Variants in FAM227A observed in about 807,000 individuals in gnomAD.
FAM227A encodes protein FAM227A.
In FAM227A, 80 loss-of-function variants were observed where a neutral mutation model predicts 74.7. The ratio of observed to expected loss-of-function variants is 1.07; its 90% CI spans 0.89 to 1.29. The LOEUF is 1.29. FAM227A is among the 50% of genes most tolerant of loss of function. The probability of loss-of-function intolerance (pLI) is 0.00; values close to 1 mark genes in which losing one functional copy is unlikely to be tolerated. For missense variants in FAM227A, 654 were observed against 683.4 expected, an observed-to-expected ratio of 0.96 and a Z score of 0.48; for synonymous variants, 237 against 241.8, an observed-to-expected ratio of 0.98 and a Z score of 0.19.
intron 11 of FAM227A, among the ~76,000 whole-genome samples, chr22:38,617,688 T>C (rs893180166): frequency 1.3e-5 from 2 of 152,154 alleles, no homozygotes; most frequent in African/African-American, 4.8e-5. Flanking sequence ...GAAGTGGGAA[T>C]GTTGTCCTAG....
chr22:38,626,891 A>AAAAAATATAT (rs1555966996), intron 8 of FAM227A, among the ~76,000 whole-genome samples: 4 of 57,684 alleles, frequency 6.9e-5, no homozygotes, highest in African/African-American at 2.6e-4. Context: ...AAAAAAAAAA[A>AAAAAATATAT]ATATATATAT....
chr22:38,582,332 A>C lies in FAM227A; in HGVS notation c.*3793T>G. 6.5e-7 allele frequency: 1 copy of C among 1,549,016 alleles called. No individual in the cohort carries two copies. Among genetic ancestry groups the C allele is most frequent in the Non-Finnish European group, 8.7e-7 (1 of 1,145,864 alleles). ...TCAAAATCAGGACTATAGGATTTTA[A>C]CTTCATCTCTTCTAGTTTAACATCT... On this transcript the variant is annotated 3_prime_UTR_variant, in exon 17 of 17. Coordinates refer to ENST00000535113, the MANE Select transcript of FAM227A (RefSeq NM_001013647.2).
Position 38,578,983 on chromosome 22 carries a change from CACA to C in FAM227A, c.*7139_*7141del, listed in dbSNP as rs1458532821. The C allele has an allele frequency of 3.9e-5, 6 of 152,202 alleles. No individual in the cohort carries two copies. The highest frequency in any genetic ancestry group is 8.8e-5 in the Non-Finnish European group (6 of 68,060). 9.4% of individuals were successfully genotyped at this position (152,202 alleles called of 1,614,324 possible). ...CACTCCTCACACAGACACCATGAGG[CACA>C]ACAATTATCACCCCTATTTACACGA... On this transcript the variant is annotated 3_prime_UTR_variant, in exon 17 of 17. Transcript: ENST00000535113.
In FAM227A at chr22:38,591,483, G is replaced by A; in HGVS notation, c.1590C>T (p.Phe530=). The A allele has an allele frequency of 1.3e-6, 2 of 1,550,858 alleles. No individual in the cohort carries two copies. Residue 530 remains phenylalanine (F), a synonymous_variant, in exon 16 of 17, where the codon TTC becomes TTT. Transcript: ENST00000535113. ...AADTKKANHM[F]IPPSAVNEES... is the part of the protein sequence containing the mutation. Reference sequence around the variant, plus strand: ...CCTCATTGACGGCTGAAGGTGGGATGAACATGTGGTTTGCCTTTTTTGTAT... The same window carrying A: ...CCTCATTGACGGCTGAAGGTGGGATAAACATGTGGTTTGCCTTTTTTGTAT...
At chr22:38,590,791 G>T (rs1257119689) in intron 16 of FAM227A, among the ~76,000 whole-genome samples, 3 of 151,988 alleles carry the variant, frequency 2.0e-5, no homozygotes, top group African/African-American at 7.2e-5. Context: ...AAAAGTAAGT[G>T]AACTTTTTTT....
intron 6 of FAM227A, among the ~76,000 whole-genome samples, chr22:38,631,151 G>A (rs555552806): frequency 1.3e-5 from 2 of 152,326 alleles, no homozygotes; most frequent in African/African-American, 4.8e-5. Context: ...CTGGGCGACA[G>A]AGCGAGTGTC....
rs1264049310 is a variant in FAM227A at position 38,650,244 on chromosome 22, C to T, written c.-76G>A. 7 of 1,445,042 alleles carry T rather than the reference C, an allele frequency of 4.8e-6. No individual in the cohort carries two copies. Among genetic ancestry groups the T allele is most frequent in the African/African-American group, 2.8e-5 (2 of 70,634 alleles). The allele number at this position is 1,445,042 out of a possible 1,614,324, so 89.5% of individuals were successfully genotyped here. On this transcript the variant is annotated 5_prime_UTR_variant, in exon 2 of 17. Transcript: ENST00000535113. ...CTCTCATTTCCCACTCCAATCTTGT[C>T]GTTTGTTTAATCAGCCTCCTGGAAA...
Position 38,583,166 on chromosome 22 carries a change from CTATACT to C in FAM227A, c.*2953_*2958del. 19 of 412,658 alleles carry C rather than the reference CTATACT, an allele frequency of 4.6e-5. No homozygotes were observed. The East Asian group carries it at 8.1e-4, about 18-fold the overall frequency. The allele number at this position is 412,658 out of a possible 1,614,324, so 25.6% of individuals were successfully genotyped here. A position where few individuals can be genotyped will look rare whatever the true frequency, so the allele number is the denominator to read the frequency against. On this transcript the variant is annotated 3_prime_UTR_variant, in exon 17 of 17. Transcript: ENST00000535113. ...GCTCACACGTTCTGGTTTCAGAAGACTATACTTTTTTTTTTTTTTTTTTGAGATGGA... is the reference window on the plus strand; with the variant it reads ...GCTCACACGTTCTGGTTTCAGAAGACTTTTTTTTTTTTTTTTTGAGATGGA...
At chr22:38,629,307 C>T (rs552397406) in intron 6 of FAM227A, among the ~76,000 whole-genome samples, 2 of 152,346 alleles carry the variant, frequency 1.3e-5, no homozygotes, top group East Asian at 1.9e-4. Flanking sequence ...TAAGATTCTG[C>T]TGAGTTAGCA....
At chr22:38,620,529 C>T (rs1050079254) in intron 10 of FAM227A, among the ~76,000 whole-genome samples, 1 of 152,078 alleles carries the variant, frequency 6.6e-6, no homozygotes, top group Non-Finnish European at 1.5e-5. Context: ...ACAGGGCCGG[C>T]GCGGTGGCTC....
At chr22:38,604,026 G>C (rs545567155) in intron 13 of FAM227A, among the ~76,000 whole-genome samples, 3 of 151,992 alleles carry the variant, frequency 2.0e-5, no homozygotes, top group Non-Finnish European at 2.9e-5. Context: ...AAAACACCAC[G>C]ATTAAAGTCA....
chr22:38,607,414 G>A lies in FAM227A; in HGVS notation c.1101C>T (p.Ser367=), dbSNP rs368600898. The change falls in exon 12 of 17, where the codon AGC becomes AGT. Residue 367 remains serine (S), a synonymous_variant. Transcript: ENST00000535113. The part of the protein sequence containing the change: ...TSSAKQNSEK[S]LRMQNTAKEH... The stretch of plus-strand genomic sequence containing the variant: ...CTTTTGCAGTATTCTGCATTCGTAA[G>A]CTTTTTTCTGAGTTCTGCTTGGCCG... 29 of 1,551,304 alleles carry A rather than the reference G, an allele frequency of 1.9e-5. No individual in the cohort carries two copies. In the African/African-American group the frequency reaches 3.3e-4, roughly 18 times the overall value.
At chr22:38,614,354 G>A (rs1416958170) in intron 11 of FAM227A, among the ~76,000 whole-genome samples, 1 of 152,070 alleles carries the variant, frequency 6.6e-6, no homozygotes, top group African/African-American at 2.4e-5. Context: ...TCTAATAGGT[G>A]GGTGTCCTAA....
chr22:38,607,176 C>CAA (rs528873313), intron 12 of FAM227A, among the ~76,000 whole-genome samples: 167 of 53,988 alleles, frequency 3.1e-3, no homozygotes, highest in African/African-American at 3.4e-3. Context: ...GACTTCATCT[C>CAA]AAAAAAAAAA....
chr22:38,628,090 T>G (rs1378022490), intron 8 of FAM227A, 148 bp downstream of exon 8: 3 of 609,964 alleles, frequency 4.9e-6, no homozygotes, highest in Non-Finnish European at 8.8e-6. Context: ...ACTGTATTTT[T>G]GTAACTTCTG....
At chr22:38,607,621 G>A in intron 11 of FAM227A, 145 bp from the exon 12 acceptor site, 1 of 658,696 alleles carries the variant, frequency 1.5e-6, no homozygotes, top group Non-Finnish European at 2.7e-6. Flanking sequence ...CATGCAGAAC[G>A]AGACCTTTCA....
At chr22:38,635,029 A>G (rs982624476) in intron 6 of FAM227A, among the ~76,000 whole-genome samples, 12 of 151,924 alleles carry the variant, frequency 7.9e-5, no homozygotes, top group Admixed American at 1.3e-4. Context: ...GGCGGATCAC[A>G]AGGTCAGGAG....
chr22:38,599,671 T>A (rs1160715057), intron 14 of FAM227A, 93 bp downstream of exon 14: 2 of 1,247,380 alleles, frequency 1.6e-6, no homozygotes, highest in Non-Finnish European at 2.2e-6. Flanking sequence ...GGCGCTGTGC[T>A]AAGGCCTGGG....
chr22:38,607,108 C>CG (rs2091300086), intron 12 of FAM227A, among the ~76,000 whole-genome samples: 1 of 140,178 alleles, frequency 7.1e-6, no homozygotes, highest in East Asian at 2.2e-4. Context: ...ACCTGGGAGG[C>CG]GGAGGCTGCA....
Sources: gnomAD v4.1 joint callset for allele counts (sites outside exome capture counted in the v4.1 genomes callset) on GRCh38, gnomAD v4.1.1 for gene constraint, MANE v1.5 for transcripts, NCBI Gene and HGNC (gene_info 2026-07-23, HGNC 2026-07-21) for gene names.